Variants in KANTR observed in about 807,000 individuals in gnomAD.
The protein encoded by KANTR is KDM5C adjacent transcript.
At chrX:53,103,795 C>T (rs1478372019) in intron 2 of KANTR, among the ~76,000 whole-genome samples, 1 of 111,541 alleles carries the variant, frequency 9.0e-6, no homozygotes, top group Non-Finnish European at 1.9e-5. Flanking sequence ...CACCACACAG[C>T]ATCTGTATCC....
downstream of KANTR, chrX:53,142,987 G>A (rs189129843): frequency 8.5e-6 from 9 of 1,057,545 alleles, 1 homozygote; most frequent in South Asian, 9.3e-5. Flanking sequence ...GGATGCCAGC[G>A]TGGTGATGCC....
intron 2 of KANTR, among the ~76,000 whole-genome samples, chrX:53,120,752 C>T (rs782791363): frequency 9.0e-6 from 1 of 110,987 alleles, no homozygotes; most frequent in African/African-American, 3.3e-5. Flanking sequence ...GTTCGCATCT[C>T]GCTCAGTTGC....
chrX:53,137,840 T>C (rs1324797394), intron 2 of KANTR, among the ~76,000 whole-genome samples: 2 of 110,908 alleles, frequency 1.8e-5, no homozygotes, highest in Non-Finnish European at 3.8e-5. Flanking sequence ...GTTTTTTGTT[T>C]TGTTTTTTTG....
intron 2 of KANTR, among the ~76,000 whole-genome samples, chrX:53,136,084 C>T: frequency 8.9e-6 from 1 of 111,979 alleles, no homozygotes; most frequent in Admixed American, 9.5e-5. Flanking sequence ...CCTGTTCATC[C>T]CAGACTTCTG....
intron 2 of KANTR, among the ~76,000 whole-genome samples, chrX:53,110,049 G>A (rs939975339): frequency 8.9e-6 from 1 of 111,959 alleles, no homozygotes; most frequent in Non-Finnish European, 1.9e-5. Flanking sequence ...GCCACTGCAC[G>A]CAGGCTTGTT....
chrX:53,101,666 A>G (rs1279967236), intron 2 of KANTR, among the ~76,000 whole-genome samples: 2 of 110,797 alleles, frequency 1.8e-5, no homozygotes, highest in African/African-American at 6.6e-5. Flanking sequence ...GGTACAGTTC[A>G]TGGTGCCCTA....
At chrX:53,147,208 G>A (rs1933588986), downstream of KANTR, among the ~76,000 whole-genome samples, 1 of 111,823 alleles carries the variant, frequency 8.9e-6, no homozygotes, top group Non-Finnish European at 1.9e-5. Flanking sequence ...TCAGTGTGCT[G>A]TATTCAGGAA....
At chrX:53,135,055 G>A (rs1556817449) in intron 2 of KANTR, among the ~76,000 whole-genome samples, 2 of 111,861 alleles carry the variant, frequency 1.8e-5, no homozygotes, top group Non-Finnish European at 3.8e-5. Context: ...GTTTTGTCGG[G>A]ATTGCTTCCC....
chrX:53,106,388 G>A (rs1386364906), intron 2 of KANTR, among the ~76,000 whole-genome samples: 1 of 109,110 alleles, frequency 9.2e-6, no homozygotes, highest in East Asian at 2.9e-4. Context: ...CTTACATTTA[G>A]GACAGTGATC....
exon 3 of KANTR, chrX:53,124,708 C>T: frequency 4.0e-6 from 1 of 250,380 alleles, no homozygotes; most frequent in Non-Finnish European, 7.1e-6. Context: ...TTTAGATTTC[C>T]AAATGTTTGG....
intron 1 of KANTR, among the ~76,000 whole-genome samples, chrX:53,095,499 A>G (rs1424618502): frequency 2.7e-5 from 3 of 110,854 alleles, no homozygotes; most frequent in Admixed American, 9.7e-5. Context: ...CTAAAATGAA[A>G]TGGATAGAAA....
chrX:53,140,321 C>T (rs1933484042), intron 2 of KANTR, among the ~76,000 whole-genome samples: 1 of 110,813 alleles, frequency 9.0e-6, no homozygotes, highest in East Asian at 2.8e-4. Flanking sequence ...GCCATCATGG[C>T]GAAACCCCGT....
chrX:53,142,988 T>C, downstream of KANTR: 1 of 1,067,894 alleles, frequency 9.4e-7, no homozygotes, highest in Non-Finnish European at 1.3e-6. Flanking sequence ...GATGCCAGCG[T>C]GGTGATGCCA....
chrX:53,135,768 C>G (rs1933413302), intron 2 of KANTR, among the ~76,000 whole-genome samples: 1 of 111,743 alleles, frequency 8.9e-6, no homozygotes, highest in Admixed American at 9.5e-5. Flanking sequence ...TTGCAGAAGT[C>G]CCAGCCAACT....
chrX:53,094,757 G>A (rs1055500739), intron 1 of KANTR: 7 of 112,050 alleles, frequency 6.2e-5, no homozygotes, highest in African/African-American at 2.3e-4. Context: ...CCAAATGGGG[G>A]TCTGATAATG....
intron 2 of KANTR, among the ~76,000 whole-genome samples, chrX:53,117,174 T>G (rs1933136669): frequency 1.1e-5 from 1 of 92,378 alleles, no homozygotes; most frequent in Non-Finnish European, 2.2e-5. Flanking sequence ...CCCAGCTACT[T>G]GGAAGGCTGA....
chrX:53,141,598 T>G (rs1556818460), intron 2 of KANTR, among the ~76,000 whole-genome samples: 1 of 110,366 alleles, frequency 9.1e-6, no homozygotes, highest in Non-Finnish European at 1.9e-5. Context: ...CTTTCCTTTT[T>G]TCTTTCTCTC....
At chrX:53,130,749 A>C (rs1933351626), downstream of KANTR, among the ~76,000 whole-genome samples, 1 of 111,674 alleles carries the variant, frequency 9.0e-6, no homozygotes, top group Admixed American at 9.5e-5. Flanking sequence ...CAATGGGGAA[A>C]GGAGTATATC....
At chrX:53,118,165 A>G (rs781833575) in intron 2 of KANTR, among the ~76,000 whole-genome samples, 1 of 111,606 alleles carries the variant, frequency 9.0e-6, no homozygotes, top group Non-Finnish European at 1.9e-5. Context: ...TCTAAGGTAT[A>G]TAGACCTAGG....
Sources: allele counts gnomAD v4.1 joint callset (sites outside exome capture counted in the v4.1 genomes callset), GRCh38; gene constraint gnomAD v4.1.1; transcripts MANE v1.5; gene names NCBI Gene and HGNC (gene_info 2026-07-23, HGNC 2026-07-21).